Variants in LRP6 observed in about 807,000 individuals in gnomAD.
LRP6 encodes the protein low-density lipoprotein receptor-related protein 6.
A neutral mutation model predicts 184.1 loss-of-function variants in LRP6; 43 were observed. That is an observed-to-expected ratio of 0.23 (90% confidence interval 0.18 to 0.30). LRP6 has a LOEUF of 0.30. Among genes scored for constraint, LRP6 ranks in the 10% least tolerant of loss-of-function variants. The probability of loss-of-function intolerance (pLI) is 1.00; values close to 1 mark genes in which losing one functional copy is unlikely to be tolerated. For missense variants in LRP6, 1,571 were observed against 2,005.3 expected, an observed-to-expected ratio of 0.78 and a Z score of 4.14; for synonymous variants, 719 against 684.9, an observed-to-expected ratio of 1.05 and a Z score of -0.78.
At chr12:12,257,977 A>C (rs1240879396) in intron 1 of LRP6, among the ~76,000 whole-genome samples, 1 of 151,672 alleles carries the variant, frequency 6.6e-6, no homozygotes, top group African/African-American at 2.4e-5. Flanking sequence ...TCAAAAAAAA[A>C]AAAAAAACTA....
intron 15 of LRP6, among the ~76,000 whole-genome samples, chr12:12,146,086 C>T (rs934624971): frequency 1.3e-5 from 2 of 152,118 alleles, no homozygotes; most frequent in Non-Finnish European, 2.9e-5. Context: ...ACAGATCTAC[C>T]TTATTCTTTT....
At chr12:12,122,267 T>C (rs1241526393) in intron 22 of LRP6, among the ~76,000 whole-genome samples, 2 of 152,230 alleles carry the variant, frequency 1.3e-5, no homozygotes, top group East Asian at 1.9e-4. Flanking sequence ...AAGTTCTGGC[T>C]TTTCTGTCAT....
At chr12:12,121,461 A>C (rs573155776) in intron 22 of LRP6, 41 bp from the exon 23 acceptor site, 3 of 1,520,648 alleles carry the variant, frequency 2.0e-6, no homozygotes, top group Non-Finnish European at 2.7e-6. Context: ...TTAGTTTTAC[A>C]AAAAAAAATG....
At position 12,162,188 on chromosome 12, in the gene LRP6, T is replaced by C. The variant is rs760580149; in HGVS notation, c.2279+5A>G. On this transcript the variant is annotated splice_donor_5th_base_variant and intron_variant, in intron 10 of 22. Transcript: ENST00000261349. Reference sequence around the variant, plus strand: ...TGCAAAGAATGCACATGTAAAGCTGTTTACCCTTCGGCAGGGTCCAACGCG... The same window carrying C: ...TGCAAAGAATGCACATGTAAAGCTGCTTACCCTTCGGCAGGGTCCAACGCG... 2.5e-6 allele frequency: 4 copies of C among 1,613,196 alleles called. No homozygotes were observed. Among genetic ancestry groups the C allele is most frequent in the Admixed American group, 3.3e-5 (2 of 60,000 alleles).
chr12:12,143,154 T>C (rs532360480), intron 15 of LRP6, among the ~76,000 whole-genome samples: 2 of 152,318 alleles, frequency 1.3e-5, no homozygotes, highest in South Asian at 2.1e-4. Context: ...AAGTTTAGAA[T>C]AGTCTTTACC....
intron 1 of LRP6, among the ~76,000 whole-genome samples, chr12:12,257,559 C>T (rs1434540663): frequency 1.6e-5 from 2 of 128,104 alleles, no homozygotes; most frequent in Admixed American, 1.8e-4. Context: ...CCAGCCTGGG[C>T]GACAGAGCAA....
At chr12:12,125,190 T>C (rs1371433166) in intron 21 of LRP6, 106 bp downstream of exon 21, 11 of 1,389,690 alleles carry the variant, frequency 7.9e-6, no homozygotes, top group Non-Finnish European at 1.1e-5. Context: ...AAATTTTACA[T>C]TCAAAAACTA....
intron 3 of LRP6, among the ~76,000 whole-genome samples, chr12:12,194,049 C>A (rs1457399955): frequency 1.3e-5 from 2 of 151,896 alleles, no homozygotes; most frequent in African/African-American, 4.8e-5. Flanking sequence ...AACTGAAAAC[C>A]AATTACTGAA....
chr12:12,168,729 G>A (rs1387671300), intron 7 of LRP6, among the ~76,000 whole-genome samples: 1 of 152,144 alleles, frequency 6.6e-6, no homozygotes, highest in Admixed American at 6.5e-5. Context: ...TAGAATTATG[G>A]TTAGCAAAAT....
chr12:12,145,695 C>G (rs1301041909), intron 15 of LRP6, among the ~76,000 whole-genome samples: 1 of 147,986 alleles, frequency 6.8e-6, no homozygotes, highest in Admixed American at 6.8e-5. Context: ...GCAGTGGCGC[C>G]GTCTTGACTC....
intron 15 of LRP6, among the ~76,000 whole-genome samples, chr12:12,142,411 A>C (rs1047569128): frequency 2.0e-5 from 3 of 152,190 alleles, no homozygotes; most frequent in Admixed American, 6.5e-5. Flanking sequence ...GGAACCAACA[A>C]GGAAAAGATA....
intron 12 of LRP6, 141 bp from the exon 13 acceptor site, chr12:12,151,179 T>C (rs1950076130): frequency 6.5e-6 from 5 of 768,834 alleles, no homozygotes; most frequent in South Asian, 6.2e-5. Context: ...CAAAATTCTT[T>C]GGCATGCCCT....
In LRP6 at chr12:12,159,088, A is replaced by G; in HGVS notation, c.2532T>C (p.Tyr844=). ...GTCGGCTCCAGTCCGTCCAGTAGAT[A>G]TAATCTTGGTACTGAGTTAAGCCAA... The part of the protein sequence containing the change: ...HPFGLTQYQD[Y]IYWTDWSRRS... The change falls in exon 12 of 23, where the codon TAT becomes TAC. Residue 844 remains tyrosine, a synonymous_variant. Coordinates refer to ENST00000261349, the MANE Select transcript of LRP6 (RefSeq NM_002336.3). The G allele has an allele frequency of 6.2e-7, 1 of 1,614,200 alleles. No homozygotes were observed. Among genetic ancestry groups the G allele is most frequent in the Non-Finnish European group, 8.5e-7 (1 of 1,180,022 alleles).
intron 2 of LRP6, among the ~76,000 whole-genome samples, chr12:12,230,591 A>C (rs7133893): frequency 6.6e-6 from 1 of 152,220 alleles, no homozygotes; most frequent in Non-Finnish European, 1.5e-5. Context: ...ATCCATAATT[A>C]AAATAAGTCA....
In LRP6 at chr12:12,164,546, A is replaced by C; in HGVS notation, c.1779T>G (p.Ala593=). 6.2e-7 allele frequency: 1 copy of C among 1,614,146 alleles called. No individual in the cohort carries two copies. Among genetic ancestry groups the C allele is most frequent in the Non-Finnish European group, 8.5e-7 (1 of 1,180,000 alleles). The change falls in exon 9 of 23, where the codon GCT becomes GCG. Residue 593 remains alanine, a synonymous_variant. Transcript: ENST00000261349. ...VHRVIGSNPC[A]EENGGCSHLC... is the part of the protein sequence containing the mutation. ...GATGGCTACATCCCCCGTTTTCCTCAGCACAGGGGTTGGAACCTAAAAGAT... is the reference window on the plus strand; with the variant it reads ...GATGGCTACATCCCCCGTTTTCCTCCGCACAGGGGTTGGAACCTAAAAGAT...
Position 12,117,784 on chromosome 12 carries a change from T to G in LRP6, c.*3342A>C, listed in dbSNP as rs1214536991. 1 of 152,204 alleles carries G rather than the reference T, an allele frequency of 6.6e-6. No individual in the cohort carries two copies. Among genetic ancestry groups the G allele is most frequent in the Non-Finnish European group, 1.5e-5 (1 of 68,016 alleles). The allele number at this position is 152,204 out of a possible 1,614,324, so 9.4% of individuals were successfully genotyped here. The stretch of plus-strand genomic sequence containing the variant: ...GAAAAAGATGATCCTCCAAAACTGC[T>G]ACCTAATACAGATGATGGCTATTTT... On this transcript the variant is annotated 3_prime_UTR_variant, in exon 23 of 23. Coordinates refer to ENST00000261349, the MANE Select transcript of LRP6 (RefSeq NM_002336.3).
chr12:12,138,857 A>G, intron 15 of LRP6: 1 of 1,379,896 alleles, frequency 7.2e-7, no homozygotes, highest in Middle Eastern at 2.1e-4. Flanking sequence ...ACTTCTCTGG[A>G]GGAGCAGTGG....
chr12:12,219,233 C>T (rs1158374145), intron 2 of LRP6, among the ~76,000 whole-genome samples: 1 of 152,192 alleles, frequency 6.6e-6, no homozygotes, highest in African/African-American at 2.4e-5. Flanking sequence ...TTGAGACAGT[C>T]TCACTCTGTC....
intron 19 of LRP6, among the ~76,000 whole-genome samples, chr12:12,130,349 C>T (rs1949732692): frequency 6.6e-6 from 1 of 151,990 alleles, no homozygotes; most frequent in African/African-American, 2.4e-5. Flanking sequence ...CCACGCCTGG[C>T]TAATTTTTGT....
Sources: allele counts gnomAD v4.1 joint callset (sites outside exome capture counted in the v4.1 genomes callset), GRCh38; gene constraint gnomAD v4.1.1; transcripts MANE v1.5; gene names NCBI Gene and HGNC (gene_info 2026-07-23, HGNC 2026-07-21).